Variants in HHIPL2 observed in about 807,000 individuals in gnomAD.
HHIPL2 encodes HHIP like 2.
Under a neutral mutation model 61.0 loss-of-function variants are expected in HHIPL2, and 61 were observed. The observed-to-expected ratio is 1.00, with a 90% confidence interval of 0.81 to 1.24. The LOEUF is 1.24. HHIPL2 is among the 50% of genes most tolerant of loss of function. HHIPL2 has a pLI of 0.00. For synonymous variants in HHIPL2, 343 were observed against 357.4 expected, an observed-to-expected ratio of 0.96 and a Z score of 0.45; for missense variants, 885 against 910.2, an observed-to-expected ratio of 0.97 and a Z score of 0.36.
chr1:222,539,697 T>C (rs932552788), intron 4 of HHIPL2, among the ~76,000 whole-genome samples: 2 of 152,158 alleles, frequency 1.3e-5, no homozygotes, highest in African/African-American at 4.8e-5. Context: ...ATAATATGCC[T>C]AAAATTAATG....
chr1:222,536,121 C>T (rs777161220), intron 5 of HHIPL2, among the ~76,000 whole-genome samples: 2 of 150,830 alleles, frequency 1.3e-5, no homozygotes, highest in African/African-American at 2.4e-5. Context: ...AAATCCAAAT[C>T]AAGCAGAAGG....
At chr1:222,535,313 G>A (rs1659279093) in intron 5 of HHIPL2, among the ~76,000 whole-genome samples, 1 of 152,148 alleles carries the variant, frequency 6.6e-6, no homozygotes, top group African/African-American at 2.4e-5. Flanking sequence ...GACAAGAAAT[G>A]TTAAAGGAAG....
chr1:222,532,129 C>A lies in HHIPL2; in HGVS notation c.1578-18G>T. Reference sequence around the variant, plus strand: ...TAAGTCGACTAGACAAAAAATAAACCCTTATGTTTAGGAATCCATATATCC... The same window carrying A: ...TAAGTCGACTAGACAAAAAATAAACACTTATGTTTAGGAATCCATATATCC... On this transcript the variant is annotated intron_variant, in intron 5 of 8. Coordinates refer to ENST00000343410, the MANE Select transcript of HHIPL2 (RefSeq NM_024746.4). 1.2e-6 allele frequency: 2 copies of A among 1,604,374 alleles called. No individual in the cohort carries two copies.
At chr1:222,538,429 G>T (rs951750117) in intron 5 of HHIPL2, among the ~76,000 whole-genome samples, 3 of 151,110 alleles carry the variant, frequency 2.0e-5, no homozygotes, top group African/African-American at 7.3e-5. Context: ...GAGACAGAGA[G>T]AGAGAGAGAG....
At chr1:222,546,337 A>C (rs956465977) in intron 1 of HHIPL2, among the ~76,000 whole-genome samples, 1 of 152,192 alleles carries the variant, frequency 6.6e-6, no homozygotes, top group African/African-American at 2.4e-5. Flanking sequence ...TAAGTCATCT[A>C]AACTCTTGAG....
chr1:222,532,283 C>T (rs929193495), intron 5 of HHIPL2, among the ~76,000 whole-genome samples, 172 bp from the exon 6 acceptor site: 1 of 152,152 alleles, frequency 6.6e-6, no homozygotes, highest in Non-Finnish European at 1.5e-5. Context: ...ATTTCAATCA[C>T]CCACTTGCCC....
intron 5 of HHIPL2, among the ~76,000 whole-genome samples, chr1:222,534,492 G>A (rs890008823): frequency 1.3e-5 from 2 of 151,408 alleles, no homozygotes; most frequent in African/African-American, 4.9e-5. Context: ...CAGGAGAAGG[G>A]CGTGAACCCG....
intron 6 of HHIPL2, among the ~76,000 whole-genome samples, chr1:222,530,193 C>G (rs142719911): frequency 6.6e-6 from 1 of 151,900 alleles, no homozygotes; most frequent in Non-Finnish European, 1.5e-5. Context: ...CTGTTTTCTA[C>G]GGTGAGAAGT....
chr1:222,543,851 G>A lies in HHIPL2; in HGVS notation c.660C>T (p.Val220=). 1 of 1,614,190 alleles carries A rather than the reference G, an allele frequency of 6.2e-7. No individual in the cohort carries two copies. Among genetic ancestry groups the A allele is most frequent in the Non-Finnish European group, 8.5e-7 (1 of 1,180,044 alleles). ...SEVANGLRNP[V]SMVHAGDGTH... is the part of the protein sequence containing the mutation. ...TGCCGTCCCCAGCATGGACCATGGA[G>A]ACGGGGTTCCTCAGCCCGTTGGCCA... The change falls in exon 2 of 9, where the codon GTC becomes GTT. Residue 220 remains valine (V), a synonymous_variant. Transcript: ENST00000343410.
At chr1:222,532,325 G>T (rs1003634859) in intron 5 of HHIPL2, among the ~76,000 whole-genome samples, 1 of 152,118 alleles carries the variant, frequency 6.6e-6, no homozygotes, top group Middle Eastern at 3.2e-3. Flanking sequence ...TATATAAAAG[G>T]AGTTTGGACG....
At chr1:222,545,104 C>T (rs894478286) in intron 1 of HHIPL2, among the ~76,000 whole-genome samples, 14 of 152,116 alleles carry the variant, frequency 9.2e-5, no homozygotes, top group African/African-American at 3.1e-4. Flanking sequence ...AGCAGACGAG[C>T]GACTCCCAGT....
chr1:222,527,977 T>C (rs1659105821), intron 6 of HHIPL2, among the ~76,000 whole-genome samples: 1 of 152,164 alleles, frequency 6.6e-6, no homozygotes, highest in Non-Finnish European at 1.5e-5. Context: ...CTCAGGTATG[T>C]CTTTATCAGC....
chr1:222,537,083 T>C (rs1369249988), intron 5 of HHIPL2, among the ~76,000 whole-genome samples: 1 of 152,022 alleles, frequency 6.6e-6, no homozygotes, highest in African/African-American at 2.4e-5. Context: ...GACCAAGTGG[T>C]ATTTTCCTCA....
chr1:222,538,781 A>G lies in HHIPL2; in HGVS notation c.1451-7T>C, dbSNP rs748747006. 12 of 1,613,472 alleles carry G rather than the reference A, an allele frequency of 7.4e-6. No individual in the cohort carries two copies. The highest frequency in any genetic ancestry group is 9.3e-6 in the Non-Finnish European group (11 of 1,179,828). On this transcript the variant is annotated splice_region_variant and splice_polypyrimidine_tract_variant and intron_variant, in intron 4 of 8. Coordinates refer to ENST00000343410, the MANE Select transcript of HHIPL2 (RefSeq NM_024746.4). ...TAGATTGGCAGAACATCATCTGTCCAGGAGAGAGGAAAGAGAGTGAGTGTC... is the reference window on the plus strand; with the variant it reads ...TAGATTGGCAGAACATCATCTGTCCGGGAGAGAGGAAAGAGAGTGAGTGTC...
chr1:222,548,070 CTG>C lies in HHIPL2; in HGVS notation c.-28_-27del, dbSNP rs761406360. ...TTTGGCCTTGGGAACACTCGGGCTG[CTG>C]TGTTTGCTCAGGTTGGCTTCCCTGC... On this transcript the variant is annotated 5_prime_UTR_variant, in exon 1 of 9. Coordinates refer to ENST00000343410, the MANE Select transcript of HHIPL2 (RefSeq NM_024746.4). The C allele has an allele frequency of 1.3e-5, 19 of 1,509,264 alleles. 1 individual carries two copies. The Middle Eastern group carries it at 5.4e-4, about 43-fold the overall frequency. 93.5% of individuals were successfully genotyped at this position (1,509,264 alleles called of 1,614,324 possible).
chr1:222,544,132 G>C lies in HHIPL2; in HGVS notation c.379C>G (p.Arg127Gly), dbSNP rs778983773. Reference sequence around the variant, plus strand: ...TCAGAGCAGAGGCCCGGGAGATTCCGGAGAGGCGTCTGGGTGTTTTCGGCG... The same window carrying C: ...TCAGAGCAGAGGCCCGGGAGATTCCCGAGAGGCGTCTGGGTGTTTTCGGCG... ...YDAENTQTPL[R>G]NLPGLCSDYC... Residue 127 changes from arginine (R) to glycine (G), a missense_variant, in exon 2 of 9, where the codon CGG becomes GGG. By Grantham distance (125) the Arg-to-Gly change is moderately radical. Transcript: ENST00000343410. The C allele has an allele frequency of 3.7e-6, 6 of 1,613,854 alleles. No homozygotes were observed. The African/African-American group carries it at 4.0e-5, about 11-fold the overall frequency.
chr1:222,540,058 C>T lies in HHIPL2; in HGVS notation c.1402G>A (p.Glu468Lys). Residue 468 changes from glutamate to lysine, a missense_variant, in exon 4 of 9, where the codon GAA becomes AAA. Transcript: ENST00000343410. ...KGGNYGWRAK[E>K]GFACYDKKLC... The stretch of plus-strand genomic sequence containing the variant: ...TTTTTGTCATAACATGCAAACCCTT[C>T]CTTTGCTCTCCAGCCATAGTTTCCA... The T allele has an allele frequency of 6.2e-7, 1 of 1,614,268 alleles. No homozygotes were observed.
rs762415410 is a variant in HHIPL2, at chr1:222,543,586, T to C, written c.925A>G (p.Met309Val). Residue 309 changes from methionine to valine, a missense_variant, in exon 2 of 9, where the codon ATG becomes GTG. Coordinates refer to ENST00000343410, the MANE Select transcript of HHIPL2 (RefSeq NM_024746.4). Reference protein sequence around the residue: ...KKVEKIRISEMKVSRADPNKA... With the variant: ...KKVEKIRISEVKVSRADPNKA... ...TTAGGATCAGCCCGAGAAACCTTCA[T>C]CTCACTAATTCGGATCTTTTCTACC... 9.3e-6 allele frequency: 15 copies of C among 1,613,992 alleles called. No individual in the cohort carries two copies. Among genetic ancestry groups the C allele is most frequent in the African/African-American group, 1.3e-5 (1 of 74,914 alleles).
chr1:222,528,295 G>A (rs1008061378), intron 6 of HHIPL2, among the ~76,000 whole-genome samples: 1 of 152,128 alleles, frequency 6.6e-6, no homozygotes, highest in Non-Finnish European at 1.5e-5. Context: ...GTGATTGTTA[G>A]GTATTCAATT....
Sources: gnomAD v4.1 joint callset for allele counts (sites outside exome capture counted in the v4.1 genomes callset) on GRCh38, gnomAD v4.1.1 for gene constraint, MANE v1.5 for transcripts, NCBI Gene and HGNC (gene_info 2026-07-23, HGNC 2026-07-21) for gene names.